PROX1: variants seen among roughly 807,000 people sequenced by gnomAD.
PROX1 encodes prospero homeobox protein 1.
PROX1 carries 7 observed loss-of-function variants against 58.8 expected under a neutral mutation model. The ratio of observed to expected loss-of-function variants is 0.12; its 90% CI spans 0.07 to 0.22. The LOEUF (loss-of-function observed/expected upper bound fraction) is 0.22, where lower values mean the gene tolerates loss of function less well. Ranked by LOEUF, PROX1 falls within the 10% of genes least tolerant of loss-of-function variation. The pLI, the probability that PROX1 is intolerant of heterozygous loss-of-function variation, is 1.00. For missense variants in PROX1, 675 were observed against 927.8 expected (o/e 0.73, Z 3.54); for synonymous variants, 350 against 358.3 (o/e 0.98, Z 0.26).
intron 3 of PROX1, among the ~76,000 whole-genome samples, chr1:214,006,775 G>A (rs726334): frequency 0.28 from 41,723 of 151,692 alleles, 5,937 homozygotes; most frequent in Admixed American, 0.39. Flanking sequence ...GTGCACATAT[G>A]TGTGTGTGTG....
At chr1:213,989,189 AC>A (rs964423858) in intron 1 of PROX1, among the ~76,000 whole-genome samples, 1 of 151,860 alleles carries the variant, frequency 6.6e-6, no homozygotes, top group Non-Finnish European at 1.5e-5. Flanking sequence ...TCGTCTCAAA[AC>A]GCTGTCGAAG....
intron 4 of PROX1, among the ~76,000 whole-genome samples, chr1:214,015,808 C>A (rs2102741059): frequency 6.6e-6 from 1 of 152,314 alleles, no homozygotes; most frequent in Admixed American, 6.5e-5. Context: ...AGCTCTCTTT[C>A]TCATTCCAGG....
At chr1:214,034,114 CAG>C (rs1379689735) in intron 4 of PROX1, among the ~76,000 whole-genome samples, 1 of 152,114 alleles carries the variant, frequency 6.6e-6, no homozygotes, top group African/African-American at 2.4e-5. Flanking sequence ...TTTTTTTCTG[CAG>C]AGTTATTACA....
rs1344176900 is a variant in PROX1, at chr1:214,039,459, A to C, written c.*3625A>C. On this transcript the variant is annotated 3_prime_UTR_variant, in exon 5 of 5. Coordinates refer to ENST00000366958, the MANE Select transcript of PROX1 (RefSeq NM_001270616.2). Reference sequence around the variant, plus strand: ...CATTTAAAAAAATTTAAAACAACAAAAAAAAAGCAAAACAGAAACACTAAA... The same window carrying C: ...CATTTAAAAAAATTTAAAACAACAACAAAAAAGCAAAACAGAAACACTAAA... The C allele has an allele frequency of 6.6e-6, 1 of 152,168 alleles. No individual in the cohort carries two copies. Among genetic ancestry groups the C allele is most frequent in the Non-Finnish European group, 1.5e-5 (1 of 68,040 alleles). The allele number at this position is 152,168 out of a possible 1,614,324, so 9.4% of individuals were successfully genotyped here.
chr1:213,988,683 C>A (rs1662902064), intron 1 of PROX1, 200 bp downstream of exon 1: 1 of 152,222 alleles, frequency 6.6e-6, no homozygotes, highest in Non-Finnish European at 1.5e-5. Context: ...GCGGGAGCCT[C>A]CGTGGAACTC....
At chr1:214,020,803 T>A (rs1350105444) in intron 4 of PROX1, among the ~76,000 whole-genome samples, 1 of 152,202 alleles carries the variant, frequency 6.6e-6, no homozygotes, top group Admixed American at 6.5e-5. Context: ...TTTTCAGGTG[T>A]AGTTAAAGGA....
rs367945890 is a variant in PROX1 at position 214,009,036 on chromosome 1, A to T, written c.1834-2485A>T. Among the ~76,000 whole-genome samples, 73 of 152,264 alleles carry T rather than the reference A, an allele frequency of 4.8e-4. 1 individual carries two copies. The South Asian group carries it at 0.015, about 31-fold the overall frequency. On this transcript the variant is annotated intron_variant, in intron 3 of 4. Transcript: ENST00000366958. ...ACTCTTAGACCACTAAGTACAGCAG[A>T]TTCAGTGTCATTTTAGCTTTGAAGA...
At chr1:213,993,209 G>T (rs1571797093) in intron 1 of PROX1, among the ~76,000 whole-genome samples, 1 of 152,164 alleles carries the variant, frequency 6.6e-6, no homozygotes, top group South Asian at 2.1e-4. Flanking sequence ...AATAGAGTAA[G>T]TGTATCCGAT....
chr1:214,014,355 A>G (rs1243475414), intron 4 of PROX1, among the ~76,000 whole-genome samples: 1 of 152,244 alleles, frequency 6.6e-6, no homozygotes, highest in Non-Finnish European at 1.5e-5. Context: ...GAACTGTGCT[A>G]CAAACAGAGC....
chr1:214,003,733 T>A (rs1663606443), intron 2 of PROX1, among the ~76,000 whole-genome samples: 1 of 152,248 alleles, frequency 6.6e-6, no homozygotes. Context: ...AAGGGAATGT[T>A]AATTGAACAA....
At chr1:214,016,194 A>G (rs968396095) in intron 4 of PROX1, among the ~76,000 whole-genome samples, 2 of 151,718 alleles carry the variant, frequency 1.3e-5, no homozygotes, top group African/African-American at 4.8e-5. Flanking sequence ...AAAAAACAAC[A>G]CCCCACCCCA....
Position 213,996,723 on chromosome 1 carries a change from A to G in PROX1, c.188A>G (p.Asp63Gly), listed in dbSNP as rs768629604. ...DVEYSVVQHA[D>G]GEKSNVLRKL... ...GAGTATTCAGTGGTGCAGCATGCAG[A>G]TGGGGAAAAGTCAAATGTACTCCGC... is the stretch of plus-strand genomic sequence containing the variant. Residue 63 changes from aspartate (D) to glycine (G), a missense_variant, in exon 2 of 5, where the codon GAT (aspartate) becomes GGT (glycine). Around this residue, in one of 8 missense-constraint regions of PROX1, gnomAD observed 157 missense variants for 197.8 expected, o/e 0.79. Coordinates refer to ENST00000366958, the MANE Select transcript of PROX1 (RefSeq NM_001270616.2). 2.5e-6 allele frequency: 4 copies of G among 1,614,098 alleles called. No homozygotes were observed. In the African/African-American group the frequency reaches 5.3e-5, roughly 22 times the overall value.
upstream of PROX1, chr1:213,987,725 C>T (rs979763285): frequency 1.2e-4 from 3 of 25,558 alleles, no homozygotes; most frequent in Middle Eastern, 9.4e-3. Context: ...GGGTGGGGGC[C>T]GGGGATGGAG....
upstream of PROX1, chr1:213,987,970 C>T (rs1324883792): frequency 2.0e-5 from 3 of 151,488 alleles, no homozygotes; most frequent in African/African-American, 7.3e-5. Context: ...GAGCGGAGCC[C>T]TCAGCTGAGG....
At chr1:214,028,611 T>C (rs1310728654) in intron 4 of PROX1, among the ~76,000 whole-genome samples, 1 of 152,194 alleles carries the variant, frequency 6.6e-6, no homozygotes, top group Non-Finnish European at 1.5e-5. Flanking sequence ...GGGCTCCTCT[T>C]TAAAATCTCA....
intron 2 of PROX1, among the ~76,000 whole-genome samples, chr1:214,000,544 A>G (rs1000622104): frequency 6.6e-6 from 1 of 152,192 alleles, no homozygotes; most frequent in Non-Finnish European, 1.5e-5. Flanking sequence ...TGTTTCTTTC[A>G]TATAGCTAAA....
intron 3 of PROX1, among the ~76,000 whole-genome samples, chr1:214,007,892 C>G (rs1228758823): frequency 1.3e-5 from 2 of 152,106 alleles, no homozygotes; most frequent in Non-Finnish European, 2.9e-5. Flanking sequence ...AGAAATGAAA[C>G]CTGCATCATT....
chr1:214,008,950 C>G (rs140701137), intron 3 of PROX1, among the ~76,000 whole-genome samples: 19 of 152,254 alleles, frequency 1.2e-4, no homozygotes, highest in African/African-American at 3.4e-4. Flanking sequence ...TGCCAGGGAT[C>G]GATGGGCCGC....
At chr1:213,989,574 G>C (rs1032571283) in intron 1 of PROX1, 1 of 152,524 alleles carries the variant, frequency 6.6e-6, no homozygotes, top group Non-Finnish European at 1.5e-5. Context: ...ATTGTTACTG[G>C]GAAGACTAGT....
Sources: allele counts gnomAD v4.1 joint callset (sites outside exome capture counted in the v4.1 genomes callset), GRCh38; gene constraint gnomAD v4.1.1; regional missense constraint gnomAD v4.1.1; transcripts MANE v1.5; gene names NCBI Gene and HGNC (gene_info 2026-07-23, HGNC 2026-07-21).